CACNA1G: variants seen among roughly 807,000 people sequenced by gnomAD.
CACNA1G encodes voltage-dependent T-type calcium channel subunit alpha-1G.
Under a neutral mutation model 219.4 loss-of-function variants are expected in CACNA1G, and 67 were observed. The ratio of observed to expected loss-of-function variants is 0.31; its 90% CI spans 0.25 to 0.37. The LOEUF is 0.37. Among genes scored for constraint, CACNA1G ranks in the 10% least tolerant of loss-of-function variants. The pLI, the probability that CACNA1G is intolerant of heterozygous loss-of-function variation, is 1.00. For synonymous variants in CACNA1G, 1,296 were observed against 1,345.3 expected (o/e 0.96, Z 0.80); for missense variants, 2,380 against 3,231.4 (o/e 0.74, Z 6.39).
At chr17:50,592,218 C>G (rs1055384283) in intron 13 of CACNA1G, 126 bp downstream of exon 13, 18 of 999,098 alleles carry the variant, frequency 1.8e-5, no homozygotes, top group Non-Finnish European at 2.3e-5. Flanking sequence ...GGAAGAGCCT[C>G]TTAGACTAAG....
intron 1 of CACNA1G, among the ~76,000 whole-genome samples, chr17:50,564,304 C>T (rs886484380): frequency 6.6e-6 from 1 of 151,582 alleles, no homozygotes; most frequent in South Asian, 2.1e-4. Flanking sequence ...TGTGAGGGAG[C>T]GCGCTCCCCT....
At chr17:50,575,489 A>G in intron 7 of CACNA1G, 54 bp from the exon 8 acceptor site, 1 of 1,523,892 alleles carries the variant, frequency 6.6e-7, no homozygotes, top group South Asian at 1.3e-5. Context: ...GGTGGCTGGC[A>G]TTGTGATTCA....
chr17:50,586,444 C>T (rs2043004913), intron 9 of CACNA1G, among the ~76,000 whole-genome samples: 1 of 152,214 alleles, frequency 6.6e-6, no homozygotes, highest in South Asian at 2.1e-4. Flanking sequence ...GGGACACCCT[C>T]CATGGACATC....
At position 50,600,782 on chromosome 17, in the gene CACNA1G, C is replaced by A. The variant is rs771657096; in HGVS notation, c.3747C>A (p.Leu1249=). 2 of 1,613,752 alleles carry A rather than the reference C, an allele frequency of 1.2e-6. No homozygotes were observed. The highest frequency in any genetic ancestry group is 1.7e-6 in the Non-Finnish European group (2 of 1,179,854). ...WIRARLPACC[L]ERDSWSAYIF... is the part of the protein sequence containing the mutation. ...GAGCCCGACTCCCTGCCTGCTGCCT[C>A]GAGCGAGACTCCTGGTCAGCCTACA... The change falls in exon 18 of 38, where the codon CTC becomes CTA. Residue 1249 remains leucine (L), a synonymous_variant. Coordinates refer to ENST00000359106, the MANE Select transcript of CACNA1G (RefSeq NM_018896.5). The surrounding 1 kb of genome is among the most constrained non-coding windows in gnomAD (Gnocchi z 4.1).
chr17:50,572,979 T>G (rs953418410), intron 6 of CACNA1G, 42 bp from the exon 7 acceptor site: 3 of 1,562,428 alleles, frequency 1.9e-6, no homozygotes, highest in Non-Finnish European at 2.6e-6. Context: ...TGAAGGAGGA[T>G]TTGGTGGGCC....
rs1567758684 is a variant in CACNA1G, at chr17:50,617,592, C to A, written c.5155+21C>A. The stretch of plus-strand genomic sequence containing the variant: ...CCGAGGTTGGTGCCCAGCCCACGCA[C>A]CTGCCCTCCTAGGGTGACCAGCCCA... On this transcript the variant is annotated intron_variant, in intron 29 of 37. Coordinates refer to ENST00000359106, the MANE Select transcript of CACNA1G (RefSeq NM_018896.5). The surrounding 1 kb of genome is among the most constrained non-coding windows in gnomAD (Gnocchi z 5.8). The A allele has an allele frequency of 6.2e-7, 1 of 1,611,862 alleles. No individual in the cohort carries two copies.
chr17:50,568,794 G>A (rs984675139), intron 1 of CACNA1G, 76 bp from the exon 2 acceptor site: 288 of 1,104,436 alleles, frequency 2.6e-4, no homozygotes, highest in Non-Finnish European at 3.8e-4. Context: ...GGTAAACGAG[G>A]AGGAGGTGTT....
Position 50,596,573 on chromosome 17 carries a change from C to A in CACNA1G, c.2991C>A (p.Asn997Lys), listed in dbSNP as rs1168514696. 1.9e-6 allele frequency: 3 copies of A among 1,613,794 alleles called. No homozygotes were observed. The highest frequency in any genetic ancestry group is 2.5e-6 in the Non-Finnish European group (3 of 1,179,838). The change falls in exon 15 of 38, where the codon AAC becomes AAA. Residue 997 changes from asparagine to lysine, a missense_variant. Physicochemically the swap from Asn to Lys is moderately conservative, Grantham distance 94 (BLOSUM62 0). Coordinates refer to ENST00000359106, the MANE Select transcript of CACNA1G (RefSeq NM_018896.5). This position sits in a 1 kb window ranked among gnomAD's most constrained non-coding sequence, Gnocchi z 4.8. ...LPVDSQGGDA[N>K]KSESEPDFFS... ...CTCCCCTGCCCTAGGGAGATGCCAA[C>A]AAGTCCGAATCAGAGCCCGATTTCT...
chr17:50,584,706 G>C (rs1014454196), intron 9 of CACNA1G, among the ~76,000 whole-genome samples: 1 of 151,926 alleles, frequency 6.6e-6, no homozygotes, highest in Non-Finnish European at 1.5e-5. Flanking sequence ...GAGACAGTGG[G>C]ATGCACAACA....
Position 50,596,503 on chromosome 17 carries a change from C to T in CACNA1G, c.2980-59C>T. ...GTGTGTGAAGAGAGGGAGGCCCGGT[C>T]CATCCCAACCACCCAAGCCTGGCCG... On this transcript the variant is annotated intron_variant, in intron 14 of 37. Coordinates refer to ENST00000359106, the MANE Select transcript of CACNA1G (RefSeq NM_018896.5). This position sits in a 1 kb window ranked among gnomAD's most constrained non-coding sequence, Gnocchi z 4.8. 7.1e-7 allele frequency: 1 copy of T among 1,401,564 alleles called. No individual in the cohort carries two copies. The highest frequency in any genetic ancestry group is 1.0e-6 in the Non-Finnish European group (1 of 988,072). 86.8% of individuals were successfully genotyped at this position (1,401,564 alleles called of 1,614,324 possible).
In CACNA1G at chr17:50,626,555, T is replaced by C; in HGVS notation, c.6938T>C (p.Ile2313Thr). The C allele has an allele frequency of 1.3e-6, 2 of 1,590,556 alleles. No individual in the cohort carries two copies. Among genetic ancestry groups the C allele is most frequent in the Non-Finnish European group, 1.7e-6 (2 of 1,170,434 alleles). The change falls in exon 38 of 38, where the codon ATA becomes ACA. Residue 2313 changes from isoleucine to threonine, a missense_variant. Physicochemically the swap from Ile to Thr is moderately conservative, Grantham distance 89 (BLOSUM62 -1). Coordinates refer to ENST00000359106, the MANE Select transcript of CACNA1G (RefSeq NM_018896.5). The surrounding 1 kb of genome is among the most constrained non-coding windows in gnomAD (Gnocchi z 4.3). ...KKKLSPPSIT[I>T]DPPESQGPRT... ...AAACTCAGCCCGCCTAGTATCACCA[T>C]AGACCCCCCCGAGAGCCAAGGTCCT...
chr17:50,618,161 G>A lies in CACNA1G; in HGVS notation c.5305+35G>A. ...GGTAGGGGAGGGTGGAGGAGCCAGG[G>A]CTGGAGACCAGGGGGCTCCTGGACT... On this transcript the variant is annotated intron_variant, in intron 31 of 37. Transcript: ENST00000359106. The surrounding 1 kb of genome is among the most constrained non-coding windows in gnomAD (Gnocchi z 5.3). 4 of 1,613,162 alleles carry A rather than the reference G, an allele frequency of 2.5e-6. No individual in the cohort carries two copies. The highest frequency in any genetic ancestry group is 3.4e-6 in the Non-Finnish European group (4 of 1,179,332).
intron 25 of CACNA1G, 41 bp from the exon 26 acceptor site, chr17:50,609,841 C>A: frequency 6.3e-7 from 1 of 1,597,998 alleles, no homozygotes; most frequent in Non-Finnish European, 8.5e-7. Flanking sequence ...CCCAGCGCAC[C>A]TGGTCCGGCC....
chr17:50,584,546 G>C (rs916111168), intron 9 of CACNA1G, among the ~76,000 whole-genome samples: 1 of 146,064 alleles, frequency 6.8e-6, no homozygotes, highest in African/African-American at 2.5e-5. Flanking sequence ...AAGGAGATTG[G>C]AGAAGTAATG....
chr17:50,610,848 A>G (rs1481338259), intron 26 of CACNA1G, among the ~76,000 whole-genome samples: 1 of 152,238 alleles, frequency 6.6e-6, no homozygotes, highest in Non-Finnish European at 1.5e-5. Context: ...TCTGAGCTGC[A>G]GAAGGTTACA....
At position 50,617,778 on chromosome 17, in the gene CACNA1G, G is replaced by C; in HGVS notation, c.5156-81G>C. 4 of 1,536,946 alleles carry C rather than the reference G, an allele frequency of 2.6e-6. No homozygotes were observed. Among genetic ancestry groups the C allele is most frequent in the Non-Finnish European group, 3.6e-6 (4 of 1,121,314 alleles). Reference sequence around the variant, plus strand: ...GGAGATGGCCATCCCAGCAGCCCCAGCCCAGCCCTGGTCCTGACTCTGCCA... The same window carrying C: ...GGAGATGGCCATCCCAGCAGCCCCACCCCAGCCCTGGTCCTGACTCTGCCA... On this transcript the variant is annotated intron_variant, in intron 29 of 37. Coordinates refer to ENST00000359106, the MANE Select transcript of CACNA1G (RefSeq NM_018896.5). This position sits in a 1 kb window ranked among gnomAD's most constrained non-coding sequence, Gnocchi z 5.8.
At chr17:50,564,517 AG>A (rs1274592279) in intron 1 of CACNA1G, among the ~76,000 whole-genome samples, 34 of 8,064 alleles carry the variant, frequency 4.2e-3, no homozygotes, top group Admixed American at 0.024. Flanking sequence ...GGGGGAGGAG[AG>A]GGGGGGGAGG....
Position 50,590,529 on chromosome 17 carries a change from C to T in CACNA1G, c.2360C>T (p.Ala787Val), listed in dbSNP as rs763645153. ...AACATCGTCTTCACCAGCCTCTTTG[C>T]CCTGGAGATGCTGCTGAAGCTGCTT... ...ISNIVFTSLF[A>V]LEMLLKLLVY... Residue 787 changes from alanine (A) to valine (V), a missense_variant, in exon 10 of 38, where the codon GCC becomes GTC. Physicochemically the swap from Ala to Val is moderately conservative, Grantham distance 64. Coordinates refer to ENST00000359106, the MANE Select transcript of CACNA1G (RefSeq NM_018896.5). 1.7e-5 allele frequency: 27 copies of T among 1,613,794 alleles called. No individual in the cohort carries two copies. The South Asian group carries it at 3.0e-4, about 18-fold the overall frequency.
chr17:50,591,595 C>T lies in CACNA1G; in HGVS notation c.2614C>T (p.Leu872Phe). The stretch of plus-strand genomic sequence containing the variant: ...CAACGTGGCCACCTTCTGCATGCTG[C>T]TTATGCTCTTCATCTTCATCTTCAG... The part of the protein sequence containing the change: ...MDNVATFCML[L>F]MLFIFIFSIL... The change falls in exon 11 of 38, where the codon CTT becomes TTT. Residue 872 changes from leucine (L) to phenylalanine (F), a missense_variant. Transcript: ENST00000359106. 6.2e-7 allele frequency: 1 copy of T among 1,613,324 alleles called. No individual in the cohort carries two copies.
Sources: allele counts gnomAD v4.1 joint callset (sites outside exome capture counted in the v4.1 genomes callset), GRCh38; gene constraint gnomAD v4.1.1; non-coding constraint Gnocchi (gnomAD v3.1); transcripts MANE v1.5; gene names NCBI Gene and HGNC (gene_info 2026-07-23, HGNC 2026-07-21).